CMIP: variants seen among roughly 807,000 people sequenced by gnomAD.
CMIP encodes the protein c-Maf inducing protein.
Under a neutral mutation model 97.3 loss-of-function variants are expected in CMIP, and 13 were observed. The observed-to-expected ratio is 0.13, with a 90% CI of 0.09 to 0.21. The LOEUF is 0.21. Ranked by LOEUF, CMIP falls within the 10% of genes least tolerant of loss-of-function variation. The pLI is 1.00. For synonymous variants in CMIP, 538 were observed against 436.3 expected (o/e 1.23, Z -2.91); for missense variants, 847 against 1,024.9 (o/e 0.83, Z 2.37).
At chr16:81,681,196 C>A (rs1041031326) in intron 10 of CMIP, among the ~76,000 whole-genome samples, 4 of 152,224 alleles carry the variant, frequency 2.6e-5, no homozygotes, top group Non-Finnish European at 5.9e-5. Flanking sequence ...CTTCCATCTT[C>A]GGGGAGCTCA....
At chr16:81,698,392 T>G (rs183433547) in intron 14 of CMIP, among the ~76,000 whole-genome samples, 1 of 152,334 alleles carries the variant, frequency 6.6e-6, no homozygotes, top group Non-Finnish European at 1.5e-5. Flanking sequence ...TTGCCAATTC[T>G]TGGATTCCTG....
chr16:81,648,248 A>G (rs2092388402), intron 3 of CMIP, among the ~76,000 whole-genome samples: 1 of 151,502 alleles, frequency 6.6e-6, no homozygotes, highest in Non-Finnish European at 1.5e-5. Context: ...GCCAGTTTTC[A>G]TTCCTGAATT....
At position 81,614,812 on chromosome 16, in the gene CMIP, A is replaced by G. The variant is rs1443394937; in HGVS notation, c.427-6064A>G. 6.9e-6 allele frequency among the ~76,000 whole-genome samples: 1 copy of G among 144,944 alleles called. No individual in the cohort carries two copies. Among genetic ancestry groups the G allele is most frequent in the South Asian group, 2.2e-4 (1 of 4,518 alleles). ...GTGTGTGCCTGATATGTGTGTTTAT[A>G]TGTGGTATGTATATGTGTATACGGT... is the stretch of plus-strand genomic sequence containing the variant. On this transcript the variant is annotated intron_variant, in intron 2 of 20. Coordinates refer to ENST00000537098, the MANE Select transcript of CMIP (RefSeq NM_198390.3). This position sits in a 1 kb window ranked among gnomAD's most constrained non-coding sequence, Gnocchi z 5.3.
chr16:81,540,746 T>C (rs2090434336), intron 1 of CMIP, among the ~76,000 whole-genome samples: 1 of 151,164 alleles, frequency 6.6e-6, no homozygotes, highest in South Asian at 2.1e-4. Context: ...AGTGGCGCGA[T>C]CTCGGCTTAC....
chr16:81,691,545 C>A lies in CMIP; in HGVS notation c.1389-230C>A, dbSNP rs184654922. The A allele has an allele frequency of 7.2e-5, 42 of 583,818 alleles. 1 individual carries two copies. In the Admixed American group the frequency reaches 1.0e-3, roughly 14 times the overall value. The allele number at this position is 583,818 out of a possible 1,614,324, so 36.2% of individuals were successfully genotyped here. ...TGAAGTCTGGGGAATAGACAGCTCACCCCCTCGGGTGCCATGAGGAAGTCT... is the reference window on the plus strand; with the variant it reads ...TGAAGTCTGGGGAATAGACAGCTCAACCCCTCGGGTGCCATGAGGAAGTCT... On this transcript the variant is annotated intron_variant, in intron 10 of 20. Transcript: ENST00000537098.
At position 81,510,044 on chromosome 16, in the gene CMIP, G is replaced by C. The variant is rs557341669; in HGVS notation, c.300+64503G>C. ...ATCAATTTCCATCAGGATTTTAGAT[G>C]AGGATGCTTTTCCTGTATCTTTAAT... On this transcript the variant is annotated intron_variant, in intron 1 of 20. Coordinates refer to ENST00000537098, the MANE Select transcript of CMIP (RefSeq NM_198390.3). Among the ~76,000 whole-genome samples, 13 of 152,322 alleles carry C rather than the reference G, an allele frequency of 8.5e-5. No individual in the cohort carries two copies. The East Asian group carries it at 2.5e-3, about 29-fold the overall frequency.
intron 1 of CMIP, among the ~76,000 whole-genome samples, chr16:81,604,010 C>T (rs991383950): frequency 8.5e-5 from 13 of 152,284 alleles, no homozygotes; most frequent in East Asian, 5.8e-4. Context: ...ACACAGTAAG[C>T]GGCCCAAACA....
intron 14 of CMIP, 22 bp from the exon 15 acceptor site, chr16:81,699,663 C>A (rs4889369): frequency 1.3e-6 from 2 of 1,524,534 alleles, no homozygotes; most frequent in East Asian, 2.3e-5. Context: ...TGTCCCTTCA[C>A]CTGGGCCTTC....
chr16:81,565,884 C>T lies in CMIP; in HGVS notation c.301-41683C>T, dbSNP rs139623422. Among the ~76,000 whole-genome samples the T allele has an allele frequency of 4.0e-3, 610 of 152,342 alleles. 6 individuals are homozygous for T. The highest frequency in any genetic ancestry group is 0.021 in the South Asian group (100 of 4,828). On this transcript the variant is annotated intron_variant, in intron 1 of 20. Transcript: ENST00000537098. ...TTCCCAGCCCTGTGTTGGGCTGGCG[C>T]TTGGGGAGCGGGCACAGATGTCACG...
chr16:81,572,398 G>A (rs1165957308), intron 1 of CMIP, among the ~76,000 whole-genome samples: 2 of 152,194 alleles, frequency 1.3e-5, no homozygotes, highest in African/African-American at 2.4e-5. Flanking sequence ...GGGTGGGGGC[G>A]TGCGAGGTTG....
At chr16:81,687,823 A>G (rs1192461474) in intron 10 of CMIP, among the ~76,000 whole-genome samples, 2 of 152,128 alleles carry the variant, frequency 1.3e-5, no homozygotes, top group Non-Finnish European at 2.9e-5. Flanking sequence ...GGTGGTCGGG[A>G]AGCAGCCTGT....
chr16:81,645,305 C>T, intron 3 of CMIP: 1 of 1,201,044 alleles, frequency 8.3e-7, no homozygotes. Flanking sequence ...ATGGGCGCGC[C>T]CGTGCAGCGT....
intron 1 of CMIP, among the ~76,000 whole-genome samples, chr16:81,512,470 T>A (rs184515209): frequency 1.3e-5 from 2 of 152,340 alleles, no homozygotes; most frequent in East Asian, 3.9e-4. Context: ...GCTCTACCTT[T>A]CCTTCCTCAT....
chr16:81,571,174 T>C (rs963033371), intron 1 of CMIP, among the ~76,000 whole-genome samples: 6 of 151,928 alleles, frequency 3.9e-5, no homozygotes, highest in Non-Finnish European at 7.4e-5. Context: ...TAAAATCTGT[T>C]AAAGAAAAAA....
intron 1 of CMIP, among the ~76,000 whole-genome samples, chr16:81,513,960 G>A (rs1567552721): frequency 6.6e-6 from 1 of 152,298 alleles, no homozygotes; most frequent in South Asian, 2.1e-4. Flanking sequence ...CTAGAGGAAG[G>A]CTTTGTGTTT....
At chr16:81,503,534 C>T (rs1416809066) in intron 1 of CMIP, among the ~76,000 whole-genome samples, 9 of 152,160 alleles carry the variant, frequency 5.9e-5, no homozygotes. Context: ...GTAGGTGGGA[C>T]CATAGATACA....
At chr16:81,542,673 T>G (rs1217099966) in intron 1 of CMIP, among the ~76,000 whole-genome samples, 1 of 151,988 alleles carries the variant, frequency 6.6e-6, no homozygotes, top group African/African-American at 2.4e-5. Context: ...TCTTCCTGGC[T>G]TGCAGACAGC....
At chr16:81,706,491 CG>C (rs34942729) in intron 19 of CMIP, among the ~76,000 whole-genome samples, 10 of 152,050 alleles carry the variant, frequency 6.6e-5, no homozygotes, top group African/African-American at 2.2e-4. Context: ...TGGAGTCCCC[CG>C]GGGGGGCGCG....
chr16:81,586,713 C>G (rs149115379), intron 1 of CMIP, among the ~76,000 whole-genome samples: 19 of 152,320 alleles, frequency 1.2e-4, no homozygotes, highest in Middle Eastern at 3.4e-3. Context: ...GTCCCACTTT[C>G]CCTCGGGCTC....
Sources: allele counts gnomAD v4.1 joint callset (sites outside exome capture counted in the v4.1 genomes callset), GRCh38; gene constraint gnomAD v4.1.1; non-coding constraint Gnocchi (gnomAD v3.1); transcripts MANE v1.5; gene names NCBI Gene and HGNC (gene_info 2026-07-23, HGNC 2026-07-21).